HNRNPC: variants seen among roughly 807,000 people sequenced by gnomAD.
HNRNPC encodes heterogeneous nuclear ribonucleoproteins C1/C2.
HNRNPC carries 3 observed loss-of-function variants against 33.2 expected under a neutral mutation model. The observed-to-expected ratio is 0.09, with a 90% CI of 0.04 to 0.23. The LOEUF (loss-of-function observed/expected upper bound fraction) is 0.23. Ranked by LOEUF, HNRNPC falls within the 10% of genes least tolerant of loss-of-function variation. The pLI is 1.00. For synonymous variants in HNRNPC, 121 were observed against 126.7 expected, an observed-to-expected ratio of 0.96 and a Z score of 0.30; for missense variants, 143 against 366.7, an observed-to-expected ratio of 0.39 and a Z score of 4.98.
At chr14:21,254,585 C>A (rs1472777372) in intron 2 of HNRNPC, 1 of 152,122 alleles carries the variant, frequency 6.6e-6, no homozygotes, top group Non-Finnish European at 1.5e-5. Context: ...AGTCACTTGA[C>A]TAGTATTCCT....
intron 2 of HNRNPC, among the ~76,000 whole-genome samples, chr14:21,239,059 G>C (rs1046197544): frequency 6.7e-6 from 1 of 150,036 alleles, no homozygotes; most frequent in Non-Finnish European, 1.5e-5. Context: ...CATGGGAGGA[G>C]GTTGCAGTGA....
chr14:21,216,472 C>A (rs1035575762), intron 5 of HNRNPC, among the ~76,000 whole-genome samples: 16 of 152,142 alleles, frequency 1.1e-4, no homozygotes, highest in Non-Finnish European at 8.8e-5. Flanking sequence ...CTTTGGGAGG[C>A]TAAGGCGAGC....
chr14:21,218,681 C>CAAAAAAAAAAAAAAAAAAA lies in HNRNPC; in HGVS notation c.366-5583_366-5565dup, dbSNP rs71112557. On this transcript the variant is annotated intron_variant, in intron 5 of 8. Transcript: ENST00000553300. ...TGGGAGACAAAGCGAAACTCTCTCT[C>CAAAAAAAAAAAAAAAAAAA]AAAAAAAAAAAAAAAAAAAAAAAAA... Among the ~76,000 whole-genome samples, 4 of 51,248 alleles carry CAAAAAAAAAAAAAAAAAAA rather than the reference C, an allele frequency of 7.8e-5. 2 individuals carry two copies. Among genetic ancestry groups the CAAAAAAAAAAAAAAAAAAA allele is most frequent in the Admixed American group, 6.4e-4 (2 of 3,118 alleles). 33.6% of individuals were successfully genotyped at this position (51,248 alleles called of 152,430 possible).
chr14:21,255,040 T>C (rs181269684), intron 2 of HNRNPC, among the ~76,000 whole-genome samples: 1 of 152,340 alleles, frequency 6.6e-6, no homozygotes, highest in East Asian at 1.9e-4. Flanking sequence ...CTTCTCGCTC[T>C]GAAGCTAGAA....
At chr14:21,262,971 A>G (rs1246782698) in intron 2 of HNRNPC, 2 of 152,218 alleles carry the variant, frequency 1.3e-5, no homozygotes, top group African/African-American at 4.8e-5. Flanking sequence ...CTTAACAGCC[A>G]GTAAAATTCT....
chr14:21,222,384 GT>G (rs1223408739), intron 5 of HNRNPC, among the ~76,000 whole-genome samples: 6 of 150,166 alleles, frequency 4.0e-5, no homozygotes, highest in Admixed American at 1.3e-4. Flanking sequence ...ATTTGTTTTT[GT>G]TTTTTTTTCC....
intron 5 of HNRNPC, among the ~76,000 whole-genome samples, chr14:21,228,486 G>C (rs756670721): frequency 6.6e-6 from 1 of 151,972 alleles, no homozygotes; most frequent in Non-Finnish European, 1.5e-5. Flanking sequence ...CCACCTCCCG[G>C]GATCAAGCAA....
chr14:21,267,554 A>G (rs1411868142), intron 1 of HNRNPC, among the ~76,000 whole-genome samples: 1 of 152,200 alleles, frequency 6.6e-6, no homozygotes, highest in Non-Finnish European at 1.5e-5. Flanking sequence ...AGGGGGAAAA[A>G]AAAGGTCAGA....
chr14:21,269,301 G>A lies in HNRNPC; in HGVS notation c.-66C>T, dbSNP rs1396296216. On this transcript the variant is annotated 5_prime_UTR_variant, in exon 1 of 9. Coordinates refer to ENST00000553300, the MANE Select transcript of HNRNPC (RefSeq NM_004500.4). ...TGCGTCCGCCCTCTCCACTTACCAA[G>A]AAGGGGAGGGAGAAGAGATTCGATT... 1 of 153,022 alleles carries A rather than the reference G, an allele frequency of 6.5e-6. No individual in the cohort carries two copies. The highest frequency in any genetic ancestry group is 1.5e-5 in the Non-Finnish European group (1 of 68,076). The allele number at this position is 153,022 out of a possible 1,614,324, so 9.5% of individuals were successfully genotyped here.
At chr14:21,253,403 GGC>G (rs1896876179) in intron 2 of HNRNPC, among the ~76,000 whole-genome samples, 1 of 145,464 alleles carries the variant, frequency 6.9e-6, no homozygotes, top group African/African-American at 2.6e-5. Flanking sequence ...GAACCCAGGA[GGC>G]GGAGCTTGCA....
chr14:21,258,294 G>A (rs1877569898), intron 2 of HNRNPC, among the ~76,000 whole-genome samples: 2 of 151,852 alleles, frequency 1.3e-5, no homozygotes, highest in Admixed American at 6.6e-5. Context: ...GGAGGCGGAG[G>A]CACAAGAATC....
At chr14:21,230,617 A>T in intron 4 of HNRNPC, 1 of 519,794 alleles carries the variant, frequency 1.9e-6, no homozygotes, top group East Asian at 3.2e-5. Context: ...GCTAAACTAA[A>T]CACTGAAAAA....
At chr14:21,227,871 A>G (rs373034251) in intron 5 of HNRNPC, among the ~76,000 whole-genome samples, 44 of 152,360 alleles carry the variant, frequency 2.9e-4, no homozygotes, top group African/African-American at 1.0e-3. Flanking sequence ...AAATTATACC[A>G]ACAAAAGTGT....
intron 2 of HNRNPC, among the ~76,000 whole-genome samples, chr14:21,236,805 G>T (rs1305887409): frequency 2.0e-5 from 3 of 152,158 alleles, no homozygotes; most frequent in Non-Finnish European, 2.9e-5. Context: ...AGCAAGAGCA[G>T]AGTAGTTTTT....
In HNRNPC at chr14:21,211,184, A is replaced by T; in HGVS notation, c.*39T>A. The T allele has an allele frequency of 6.3e-7, 1 of 1,599,190 alleles. No homozygotes were observed. The highest frequency in any genetic ancestry group is 8.6e-7 in the Non-Finnish European group (1 of 1,168,240). The stretch of plus-strand genomic sequence containing the variant: ...TGATCTTAGACAAGCGCCTAGGTAA[A>T]GAAATAATGGGATAAGATTTCTAAA... On this transcript the variant is annotated 3_prime_UTR_variant, in exon 9 of 9. Coordinates refer to ENST00000553300, the MANE Select transcript of HNRNPC (RefSeq NM_004500.4).
At chr14:21,244,159 G>C (rs1895679990) in intron 2 of HNRNPC, among the ~76,000 whole-genome samples, 1 of 151,962 alleles carries the variant, frequency 6.6e-6, no homozygotes, top group Non-Finnish European at 1.5e-5. Flanking sequence ...ACCACATCCG[G>C]ATAATTTTTT....
chr14:21,244,299 C>T (rs1039486789), intron 2 of HNRNPC, among the ~76,000 whole-genome samples: 5 of 152,188 alleles, frequency 3.3e-5, no homozygotes, highest in African/African-American at 1.2e-4. Flanking sequence ...CACGCCTGCC[C>T]GCAAGTTCTC....
intron 2 of HNRNPC, among the ~76,000 whole-genome samples, chr14:21,250,821 T>C (rs1327105463): frequency 1.3e-5 from 2 of 151,978 alleles, no homozygotes; most frequent in Non-Finnish European, 2.9e-5. Context: ...GAGTGAAAAG[T>C]GTTCTAGATT....
At chr14:21,222,522 T>C (rs1892939526) in intron 5 of HNRNPC, among the ~76,000 whole-genome samples, 1 of 152,184 alleles carries the variant, frequency 6.6e-6, no homozygotes, top group South Asian at 2.1e-4. Flanking sequence ...CAGTACTTCT[T>C]TCATTTTATG....
Sources: gnomAD v4.1 joint callset for allele counts (sites outside exome capture counted in the v4.1 genomes callset) on GRCh38, gnomAD v4.1.1 for gene constraint, MANE v1.5 for transcripts, NCBI Gene and HGNC (gene_info 2026-07-23, HGNC 2026-07-21) for gene names.